Variants in ADD1 observed in about 807,000 individuals in gnomAD.
ADD1 encodes alpha-adducin.
In ADD1, 24 loss-of-function variants were observed where a neutral mutation model predicts 80.5. The ratio of observed to expected loss-of-function variants is 0.30; its 90% CI spans 0.22 to 0.42. The LOEUF is 0.42. Ranked by LOEUF, ADD1 falls within the 10% of genes least tolerant of loss-of-function variation. The probability of loss-of-function intolerance (pLI) is 1.00; values close to 1 mark genes in which losing one functional copy is unlikely to be tolerated. For missense variants in ADD1, 948 were observed against 1,019.0 expected (o/e 0.93, Z 0.95); for synonymous variants, 373 against 393.8 (o/e 0.95, Z 0.63).
chr4:2,847,270 A>G (rs1295144250), intron 1 of ADD1, among the ~76,000 whole-genome samples: 1 of 151,532 alleles, frequency 6.6e-6, no homozygotes, highest in Non-Finnish European at 1.5e-5. Flanking sequence ...AAAATACAAA[A>G]ATTAGCTGGG....
At chr4:2,925,472 C>T (rs1740810815) in intron 14 of ADD1, among the ~76,000 whole-genome samples, 1 of 152,204 alleles carries the variant, frequency 6.6e-6, no homozygotes. Context: ...TATCCAGGAT[C>T]CTAGTTCCTG....
In ADD1 at chr4:2,884,540, C is replaced by A. The variant is rs766430572; in HGVS notation, c.384C>A (p.Asn128Lys). Reference sequence around the variant, plus strand: ...GTCTTGGTATGGTGACTCCTGTGAACGATCTTAGAGGATCTGATTCTATTG... The same window carrying A: ...GTCTTGGTATGGTGACTCCTGTGAAAGATCTTAGAGGATCTGATTCTATTG... ...NMSLGMVTPV[N>K]DLRGSDSIAY... The change falls in exon 4 of 16, where the codon AAC becomes AAA. Residue 128 changes from asparagine (N) to lysine (K), a missense_variant. By Grantham distance (94) the Asn-to-Lys change is moderately conservative. Coordinates refer to ENST00000683351, the MANE Select transcript of ADD1 (RefSeq NM_001354761.2). The A allele has an allele frequency of 5.0e-6, 8 of 1,607,602 alleles. No individual in the cohort carries two copies. In the South Asian group the frequency reaches 6.6e-5, roughly 13 times the overall value.
At chr4:2,901,305 G>C (rs1218303380) in intron 9 of ADD1, 2 of 152,230 alleles carry the variant, frequency 1.3e-5, no homozygotes, top group African/African-American at 4.8e-5. Flanking sequence ...TGAGGGAGGA[G>C]AGAGGGGGGT....
Position 2,928,785 on chromosome 4 carries a change from C to A in ADD1, c.*262C>A. ...TCCCCACAGGGGGGAGGCACTAAGT[C>A]ATGGTCCTGGCTGGAAGGTACTGAA... On this transcript the variant is annotated 3_prime_UTR_variant, in exon 16 of 16. Transcript: ENST00000683351. The A allele has an allele frequency of 2.1e-6, 1 of 476,220 alleles. No individual in the cohort carries two copies. 29.5% of individuals were successfully genotyped at this position (476,220 alleles called of 1,614,324 possible). A position where few individuals can be genotyped will look rare whatever the true frequency, so the allele number is the denominator to read the frequency against.
intron 6 of ADD1, among the ~76,000 whole-genome samples, chr4:2,897,652 C>T (rs1735481455): frequency 6.8e-6 from 1 of 146,252 alleles, no homozygotes; most frequent in Non-Finnish European, 1.5e-5. Context: ...AGAGTAGCCT[C>T]TTGACTACAG....
At chr4:2,909,272 T>C in intron 12 of ADD1, 67 bp from the exon 13 acceptor site, 1 of 1,354,596 alleles carries the variant, frequency 7.4e-7, no homozygotes, top group Non-Finnish European at 1.0e-6. Flanking sequence ...AGCTCCATCC[T>C]GTGCTCTCAG....
intron 3 of ADD1, 89 bp from the exon 4 acceptor site, chr4:2,884,426 A>G (rs1013402645): frequency 5.5e-6 from 6 of 1,081,682 alleles, no homozygotes; most frequent in East Asian, 2.6e-5. Flanking sequence ...CATGGCTTCA[A>G]GTGATCCTCC....
chr4:2,920,033 G>A (rs1461375121), intron 14 of ADD1, among the ~76,000 whole-genome samples: 1 of 152,062 alleles, frequency 6.6e-6, no homozygotes, highest in Non-Finnish European at 1.5e-5. Context: ...ATTCTGGTAC[G>A]CTTTGTCTTT....
chr4:2,891,351 G>C (rs1734270959), intron 4 of ADD1, among the ~76,000 whole-genome samples: 1 of 152,068 alleles, frequency 6.6e-6, no homozygotes, highest in Admixed American at 6.6e-5. Context: ...AGAGGCTGAG[G>C]CAGGAGAATC....
intron 4 of ADD1, among the ~76,000 whole-genome samples, chr4:2,886,984 T>G (rs1560192977): frequency 6.6e-6 from 1 of 152,244 alleles, no homozygotes; most frequent in South Asian, 2.1e-4. Context: ...GCTGTTTGCC[T>G]AGTCCTATTT....
chr4:2,853,113 T>G (rs1479301422), intron 1 of ADD1: 1 of 150,788 alleles, frequency 6.6e-6, no homozygotes, highest in Non-Finnish European at 1.5e-5. Context: ...CTTACTTTTT[T>G]TTTTTTTTTT....
chr4:2,899,262 C>T lies in ADD1; in HGVS notation c.988C>T (p.Arg330Ter). The T allele has an allele frequency of 1.2e-6, 2 of 1,606,836 alleles. No individual in the cohort carries two copies. Among genetic ancestry groups the T allele is most frequent in the South Asian group, 1.1e-5 (1 of 90,704 alleles). ...NLVVACEIQVRTLASAGGPDN... is the reference protein window; with the variant it reads ...NLVVACEIQV Reference sequence around the variant, plus strand: ...TGCTGTGTGTGTTTTGGAAAAGGTTCGAACTCTGGCCAGTGCAGGAGGACC... The same window carrying T: ...TGCTGTGTGTGTTTTGGAAAAGGTTTGAACTCTGGCCAGTGCAGGAGGACC... Residue 330 changes from arginine to a stop codon, truncating the protein, a stop_gained, in exon 9 of 16, where the codon CGA (arginine) becomes TGA (stop). Transcript: ENST00000683351. LOFTEE classifies it high-confidence loss of function.
rs1489258525 is a variant in ADD1, at chr4:2,904,955, C to A, written c.1353C>A (p.Gly451=). The change falls in exon 10 of 16, where the codon GGC becomes GGA. Residue 451 remains glycine, a synonymous_variant. Coordinates refer to ENST00000683351, the MANE Select transcript of ADD1 (RefSeq NM_001354761.2). ...AGAAGACAAGATGGCTGAACTCTGG[C>A]CGGGGCGACGAAGCTTCCGAGGAAG... is the stretch of plus-strand genomic sequence containing the variant. ...QREKTRWLNS[G]RGDEASEEGQ... 1.2e-6 allele frequency: 2 copies of A among 1,614,040 alleles called. No homozygotes were observed. The highest frequency in any genetic ancestry group is 2.7e-5 in the African/African-American group (2 of 74,918).
chr4:2,921,486 G>C (rs1380893989), intron 14 of ADD1, among the ~76,000 whole-genome samples: 3 of 152,262 alleles, frequency 2.0e-5, no homozygotes, highest in Non-Finnish European at 4.4e-5. Context: ...TGGCTTGTAG[G>C]GTTTCTGCAG....
At chr4:2,889,213 C>T (rs970853538) in intron 4 of ADD1, among the ~76,000 whole-genome samples, 19 of 152,136 alleles carry the variant, frequency 1.2e-4, no homozygotes, top group Non-Finnish European at 1.9e-4. Flanking sequence ...ATGCTGTAGT[C>T]GGCATTGCAG....
chr4:2,886,854 T>C (rs1310851295), intron 4 of ADD1, among the ~76,000 whole-genome samples: 5 of 152,158 alleles, frequency 3.3e-5, no homozygotes, highest in African/African-American at 1.2e-4. Context: ...CAGAATGCTG[T>C]GGTGGAGATT....
intron 14 of ADD1, among the ~76,000 whole-genome samples, chr4:2,920,507 G>A (rs1739821974): frequency 6.6e-6 from 1 of 152,134 alleles, no homozygotes; most frequent in Non-Finnish European, 1.5e-5. Context: ...ATGAATCTGG[G>A]TGCTCCTGTA....
intron 3 of ADD1, among the ~76,000 whole-genome samples, chr4:2,883,711 G>A (rs1326545115): frequency 2.7e-5 from 4 of 150,490 alleles, no homozygotes; most frequent in South Asian, 2.1e-4. Flanking sequence ...TTGCTCTGTC[G>A]CCTGGGCTGC....
chr4:2,881,072 C>CTTTTTTTTTTTTTTT (rs752868581), intron 2 of ADD1, among the ~76,000 whole-genome samples: 2 of 89,362 alleles, frequency 2.2e-5, no homozygotes, highest in Admixed American at 1.6e-4. Context: ...GATGTATTTA[C>CTTTTTTTTTTTTTTT]TTTTTTTTTT....
Sources: allele counts gnomAD v4.1 joint callset (sites outside exome capture counted in the v4.1 genomes callset), GRCh38; gene constraint gnomAD v4.1.1; transcripts MANE v1.5; gene names NCBI Gene and HGNC (gene_info 2026-07-23, HGNC 2026-07-21).